The following ZEB1 variants were observed in gnomAD, a reference collection of about 807,000 sequenced individuals.
ZEB1 encodes the protein zinc finger E-box-binding homeobox 1.
A neutral mutation model predicts 84.9 loss-of-function variants in ZEB1; 21 were observed. The ratio of observed to expected loss-of-function variants is 0.25; its 90% CI spans 0.18 to 0.36. The LOEUF is 0.36. Ranked by LOEUF, ZEB1 falls within the 10% of genes least tolerant of loss-of-function variation. The pLI, the probability that ZEB1 is intolerant of heterozygous loss-of-function variation, is 1.00. For synonymous variants in ZEB1, 420 were observed against 471.1 expected, an observed-to-expected ratio of 0.89 and a Z score of 1.41; for missense variants, 1,104 against 1,330.2, an observed-to-expected ratio of 0.83 and a Z score of 2.65.
chr10:31,521,389 A>G lies in ZEB1; in HGVS notation c.2057A>G (p.Asn686Ser). 1 of 1,614,020 alleles carries G rather than the reference A, an allele frequency of 6.2e-7. No individual in the cohort carries two copies. The highest frequency in any genetic ancestry group is 2.2e-5 in the East Asian group (1 of 44,846). ...CTACAAAGTCCTTTGAAGATGACTAACTCCCCAGTTTTACCAGTGGGATCA... is the reference window on the plus strand; with the variant it reads ...CTACAAAGTCCTTTGAAGATGACTAGCTCCCCAGTTTTACCAGTGGGATCA... Reference protein sequence around the residue: ...VNLQSPLKMTNSPVLPVGSTT... With the variant: ...VNLQSPLKMTSSPVLPVGSTT... The change falls in exon 7 of 9, where the codon AAC becomes AGC. Residue 686 changes from asparagine to serine, a missense_variant. This residue lies in a region of ZEB1 where 531 missense variants were observed against 575.2 expected (regional missense o/e 0.92). Coordinates refer to ENST00000424869, the MANE Select transcript of ZEB1 (RefSeq NM_001174096.2).
rs987755537 is a variant in ZEB1 at position 31,368,583 on chromosome 10, A to T, written c.58+49291A>T. 2.6e-5 allele frequency among the ~76,000 whole-genome samples: 4 copies of T among 151,920 alleles called. No individual in the cohort carries two copies. In the South Asian group the frequency reaches 6.2e-4, roughly 24 times the overall value. ...TTTTTATTGTTTTGTTGTTTTTTAA[A>T]TTTTTTTCCTGAATATTATGTGTGT... On this transcript the variant is annotated intron_variant, in intron 1 of 8. Coordinates refer to ENST00000424869, the MANE Select transcript of ZEB1 (RefSeq NM_001174096.2).
chr10:31,358,675 A>C (rs1030851250), intron 1 of ZEB1: 2 of 152,216 alleles, frequency 1.3e-5, no homozygotes, highest in Non-Finnish European at 2.9e-5. Context: ...GATAATTTAC[A>C]AAGCAAAAAA....
At chr10:31,365,813 C>G (rs1404594831) in intron 1 of ZEB1, among the ~76,000 whole-genome samples, 2 of 152,086 alleles carry the variant, frequency 1.3e-5, no homozygotes, top group Non-Finnish European at 2.9e-5. Flanking sequence ...TTGGCCAGGC[C>G]AAATTTGTGA....
At position 31,385,047 on chromosome 10, in the gene ZEB1, A is replaced by T. The variant is rs376354757; in HGVS notation, c.58+65755A>T. Among the ~76,000 whole-genome samples, 78 of 152,272 alleles carry T rather than the reference A, an allele frequency of 5.1e-4. 2 individuals are homozygous for T. Among genetic ancestry groups the T allele is most frequent in the African/African-American group, 1.8e-3 (76 of 41,560 alleles). Reference sequence around the variant, plus strand: ...ATTAAGTGAGTTTTTGTGTACACTTATTTCTTTAGTCTAAAGTTTTGTTTT... The same window carrying T: ...ATTAAGTGAGTTTTTGTGTACACTTTTTTCTTTAGTCTAAAGTTTTGTTTT... On this transcript the variant is annotated intron_variant, in intron 1 of 8. Coordinates refer to ENST00000424869, the MANE Select transcript of ZEB1 (RefSeq NM_001174096.2).
intron 1 of ZEB1, among the ~76,000 whole-genome samples, chr10:31,431,249 C>A (rs1470147340): frequency 6.6e-6 from 1 of 152,198 alleles, no homozygotes; most frequent in Admixed American, 6.5e-5. Flanking sequence ...AGTCCACATA[C>A]CTCTCCTGTT....
intron 1 of ZEB1, among the ~76,000 whole-genome samples, chr10:31,409,510 G>C (rs192557887): frequency 6.6e-6 from 1 of 150,418 alleles, no homozygotes; most frequent in Admixed American, 6.6e-5. Flanking sequence ...TTTTGGTTCC[G>C]TATGAAGTTT....
chr10:31,395,390 G>A (rs1439125173), intron 1 of ZEB1, among the ~76,000 whole-genome samples: 1 of 152,046 alleles, frequency 6.6e-6, no homozygotes, highest in Admixed American at 6.6e-5. Flanking sequence ...CACTTCCTAG[G>A]TATATGATAT....
intron 1 of ZEB1, among the ~76,000 whole-genome samples, chr10:31,351,352 A>AT (rs1297334563): frequency 2.6e-5 from 4 of 152,110 alleles, no homozygotes; most frequent in African/African-American, 7.2e-5. Flanking sequence ...TAAATCATTT[A>AT]TTTTTTCTAG....
In ZEB1 at chr10:31,505,694, AAAAC is replaced by A. The variant is rs536640867; in HGVS notation, c.484+3186_484+3189del. ...TTATCAGTTTTGTTACCTTTTCAAA[AAAAC>A]CAACTTTTTGTTTTGTTATTTGTGT... On this transcript the variant is annotated intron_variant, in intron 4 of 8. Transcript: ENST00000424869. Among the ~76,000 whole-genome samples, 46 of 152,068 alleles carry A rather than the reference AAAAC, an allele frequency of 3.0e-4. No homozygotes were observed. In the South Asian group the frequency reaches 9.1e-3, roughly 30 times the overall value.
At chr10:31,425,413 C>T (rs570619127) in intron 1 of ZEB1, among the ~76,000 whole-genome samples, 1 of 152,126 alleles carries the variant, frequency 6.6e-6, no homozygotes, top group East Asian at 1.9e-4. Context: ...TTTTCCCTAA[C>T]CAGCCAGGAG....
intron 1 of ZEB1, among the ~76,000 whole-genome samples, chr10:31,385,886 G>A (rs1003026840): frequency 1.3e-5 from 2 of 151,944 alleles, no homozygotes; most frequent in Non-Finnish European, 2.9e-5. Context: ...AACATTTAAA[G>A]GAAATAAGTC....
intron 2 of ZEB1, among the ~76,000 whole-genome samples, chr10:31,483,029 C>A (rs184320438): frequency 7.4e-4 from 113 of 152,080 alleles, no homozygotes; most frequent in African/African-American, 2.5e-3. Context: ...CCTTGAACTT[C>A]AGGGGCAAGG....
intron 1 of ZEB1, among the ~76,000 whole-genome samples, chr10:31,409,509 C>T (rs555146148): frequency 7.8e-4 from 117 of 150,674 alleles, no homozygotes; most frequent in Non-Finnish European, 1.4e-3. Flanking sequence ...TTTTTGGTTC[C>T]GTATGAAGTT....
intron 1 of ZEB1, among the ~76,000 whole-genome samples, chr10:31,357,623 G>A (rs1564570084): frequency 6.6e-6 from 1 of 151,298 alleles, no homozygotes; most frequent in Non-Finnish European, 1.5e-5. Flanking sequence ...GTAGCATATG[G>A]TTTTTTTTTA....
At chr10:31,348,744 A>C (rs1220744168) in intron 1 of ZEB1, among the ~76,000 whole-genome samples, 2 of 152,208 alleles carry the variant, frequency 1.3e-5, no homozygotes, top group East Asian at 3.8e-4. Context: ...AGAATGACTC[A>C]AGCCAAAAAA....
At chr10:31,360,775 A>G (rs1190940097) in intron 1 of ZEB1, among the ~76,000 whole-genome samples, 2 of 152,218 alleles carry the variant, frequency 1.3e-5, no homozygotes, top group Non-Finnish European at 2.9e-5. Context: ...TGATTTTTTT[A>G]AATGCAAAGG....
At chr10:31,320,931 C>T (rs2033846881) in intron 1 of ZEB1, among the ~76,000 whole-genome samples, 1 of 152,130 alleles carries the variant, frequency 6.6e-6, no homozygotes, top group South Asian at 2.1e-4. Context: ...CGGCCGCAGC[C>T]CAGGCTATAT....
chr10:31,393,403 ATT>A (rs1415721766), intron 1 of ZEB1, among the ~76,000 whole-genome samples: 5 of 152,282 alleles, frequency 3.3e-5, no homozygotes, highest in Non-Finnish European at 7.4e-5. Context: ...TTCCATGGGT[ATT>A]TCTAACAAAT....
intron 1 of ZEB1, among the ~76,000 whole-genome samples, chr10:31,432,509 A>G (rs974268712): frequency 1.2e-4 from 18 of 152,132 alleles, no homozygotes; most frequent in African/African-American, 4.1e-4. Flanking sequence ...GGATGTCTTG[A>G]GCCTGGAAGG....
Sources: allele counts gnomAD v4.1 joint callset (sites outside exome capture counted in the v4.1 genomes callset), GRCh38; gene constraint gnomAD v4.1.1; regional missense constraint gnomAD v4.1.1; transcripts MANE v1.5; gene names NCBI Gene and HGNC (gene_info 2026-07-23, HGNC 2026-07-21).